MAP4: variants seen among roughly 807,000 people sequenced by gnomAD.
The protein encoded by MAP4 is microtubule-associated protein 4.
In MAP4, 76 loss-of-function variants were observed where a neutral mutation model predicts 170.2. That is an observed-to-expected ratio of 0.45 (90% CI 0.37 to 0.54). The LOEUF (loss-of-function observed/expected upper bound fraction) is 0.54, where lower values mean the gene tolerates loss of function less well. Ranked by LOEUF, MAP4 falls within the 20% of genes least tolerant of loss-of-function variation. The pLI, the probability that MAP4 is intolerant of heterozygous loss-of-function variation, is 0.00. For synonymous variants in MAP4, 909 were observed against 994.5 expected (o/e 0.91, Z 1.62); for missense variants, 2,506 against 2,748.0 (o/e 0.91, Z 1.97).
At chr3:48,038,886 G>A (rs1216294164) in intron 1 of MAP4, among the ~76,000 whole-genome samples, 1 of 152,136 alleles carries the variant, frequency 6.6e-6, no homozygotes, top group Non-Finnish European at 1.5e-5. Flanking sequence ...CAGATCACAC[G>A]AGCCCAGGAG....
chr3:47,924,479 T>C (rs2153730458), intron 4 of MAP4, among the ~76,000 whole-genome samples: 1 of 152,262 alleles, frequency 6.6e-6, no homozygotes, highest in Middle Eastern at 3.4e-3. Context: ...TTCTATGTTT[T>C]TTGCAAAAAA....
chr3:48,018,957 A>G (rs1256222670), upstream of MAP4, among the ~76,000 whole-genome samples: 1 of 152,216 alleles, frequency 6.6e-6, no homozygotes, highest in African/African-American at 2.4e-5. Context: ...TCTTATCATT[A>G]TTAGGCATAG....
rs202124744 is a variant in MAP4, at chr3:47,933,953, G to GA, written c.293-5604dup. 1.8e-4 allele frequency among the ~76,000 whole-genome samples: 27 copies of GA among 152,248 alleles called. 1 individual carries two copies. In the East Asian group the frequency reaches 5.0e-3, roughly 28 times the overall value. ...CAACACAAGTAGGTTCCCCAGAGCT[G>GA]AATGTGGTGAAATTGGGTTAATTAT... On this transcript the variant is annotated intron_variant, in intron 3 of 20. Coordinates refer to ENST00000683076, the MANE Select transcript of MAP4 (RefSeq NM_001385682.1).
intron 5 of MAP4, among the ~76,000 whole-genome samples, chr3:47,920,549 T>G (rs2100042275): frequency 6.7e-6 from 1 of 149,818 alleles, no homozygotes; most frequent in Non-Finnish European, 1.5e-5. Context: ...AGATGGTTTT[T>G]TTTTTTTTTT....
In MAP4 at chr3:47,977,951, A is replaced by T; in HGVS notation, c.224-18T>A. The stretch of plus-strand genomic sequence containing the variant: ...TGGAGTATCTGCAACAATGACAAAT[A>T]ATTACCCATTGTGACAGACAGAAAA... On this transcript the variant is annotated intron_variant, in intron 2 of 20. Coordinates refer to ENST00000683076, the MANE Select transcript of MAP4 (RefSeq NM_001385682.1). 6.4e-7 allele frequency: 1 copy of T among 1,557,746 alleles called. No homozygotes were observed. The highest frequency in any genetic ancestry group is 8.9e-7 in the Non-Finnish European group (1 of 1,129,182).
At chr3:47,871,407 T>C (rs945461003) in intron 13 of MAP4, 121 bp from the exon 14 acceptor site, 6 of 821,820 alleles carry the variant, frequency 7.3e-6, no homozygotes, top group African/African-American at 6.8e-5. Context: ...CCAGGGACTG[T>C]GTTAGTCCCT....
chr3:47,935,344 G>C (rs1647616709), intron 3 of MAP4, among the ~76,000 whole-genome samples: 1 of 152,146 alleles, frequency 6.6e-6, no homozygotes, highest in African/African-American at 2.4e-5. Context: ...ATAGAAGTTA[G>C]GGCCATGGGC....
chr3:48,052,512 G>A (rs557483482), intron 1 of MAP4, among the ~76,000 whole-genome samples: 4 of 152,230 alleles, frequency 2.6e-5, no homozygotes, highest in South Asian at 2.1e-4. Context: ...GTGAGCCACC[G>A]CGTCCTGCCT....
At chr3:47,897,950 G>GGGGGGGGA (rs1491497294) in intron 10 of MAP4, among the ~76,000 whole-genome samples, 1 of 134,540 alleles carries the variant, frequency 7.4e-6, no homozygotes, top group African/African-American at 2.9e-5. Context: ...TCGGGGGGGG[G>GGGGGGGGA]AAAAAAAAAA....
At position 47,877,469 on chromosome 3, in the gene MAP4, A is replaced by G. The variant is rs769053283; in HGVS notation, c.5489T>C (p.Ile1830Thr). The G allele has an allele frequency of 6.2e-7, 1 of 1,614,052 alleles. No individual in the cohort carries two copies. The highest frequency in any genetic ancestry group is 8.5e-7 in the Non-Finnish European group (1 of 1,180,004). ...GAGCTCCTTGTTCGGTGGGGTGGTG[A>G]TGTCATTTCCTGTCCCACTCACCAC... is the stretch of plus-strand genomic sequence containing the variant. The part of the protein sequence containing the change: ...RPVVSGTGND[I>T]TTPPNKELPP... Residue 1830 changes from isoleucine to threonine, a missense_variant, in exon 11 of 21, where the codon ATC becomes ACC. By Grantham distance (89) the Ile-to-Thr change is moderately conservative. Around this residue, in one of 3 missense-constraint regions of MAP4, gnomAD observed 2,008 missense variants for 2,206.0 expected, o/e 0.91. Coordinates refer to ENST00000683076, the MANE Select transcript of MAP4 (RefSeq NM_001385682.1).
chr3:48,021,647 AATCTAT>A (rs2100110627), intron 1 of MAP4, among the ~76,000 whole-genome samples: 1 of 152,166 alleles, frequency 6.6e-6, no homozygotes, highest in Non-Finnish European at 1.5e-5. Context: ...CGCCCGGCCT[AATCTAT>A]AGATTTAACA....
rs1434222848 is a variant in MAP4 at position 47,912,320 on chromosome 3, C to T, written c.2101G>A (p.Glu701Lys). Residue 701 changes from glutamate to lysine, a missense_variant, in exon 9 of 21, where the codon GAG becomes AAG. Transcript: ENST00000683076. ...TRPKPARVPP[E>K]LLGGSPPWKT... is the part of the protein sequence containing the mutation. ...CATGGAGGAGAGCCTCCCAGCAGCTCAGGAGGGACCCTGGCAGGCTTGGGC... is the reference window on the plus strand; with the variant it reads ...CATGGAGGAGAGCCTCCCAGCAGCTTAGGAGGGACCCTGGCAGGCTTGGGC... 2 of 1,536,170 alleles carry T rather than the reference C, an allele frequency of 1.3e-6. No individual in the cohort carries two copies. Among genetic ancestry groups the T allele is most frequent in the South Asian group, 1.2e-5 (1 of 84,066 alleles).
At chr3:48,040,291 C>T (rs542587559) in intron 1 of MAP4, among the ~76,000 whole-genome samples, 18 of 151,644 alleles carry the variant, frequency 1.2e-4, no homozygotes, top group Middle Eastern at 3.4e-3. Context: ...TTTTTTGAGA[C>T]GGCATCTTGC....
At chr3:48,056,148 C>T (rs573713356) in intron 1 of MAP4, among the ~76,000 whole-genome samples, 483 of 145,022 alleles carry the variant, frequency 3.3e-3, no homozygotes, top group African/African-American at 8.3e-3. Context: ...CCAGCCGCCC[C>T]ATCCGGGAGG....
At chr3:47,926,092 G>A (rs1394810277) in intron 4 of MAP4, among the ~76,000 whole-genome samples, 1 of 152,002 alleles carries the variant, frequency 6.6e-6, no homozygotes, top group East Asian at 1.9e-4. Context: ...CTGACCTCAG[G>A]TGATCTGCCC....
At chr3:48,018,696 G>A (rs1256634227), upstream of MAP4, among the ~76,000 whole-genome samples, 2 of 152,054 alleles carry the variant, frequency 1.3e-5, no homozygotes, top group African/African-American at 2.4e-5. Context: ...CCAGCTACTC[G>A]AGAGGCTGAG....
intron 5 of MAP4, among the ~76,000 whole-genome samples, chr3:47,920,191 G>C (rs552377480): frequency 6.6e-6 from 1 of 151,308 alleles, no homozygotes; most frequent in African/African-American, 2.4e-5. Context: ...GGCTGGTCTC[G>C]AACTCCTGAC....
Position 47,910,006 on chromosome 3 carries a change from T to C in MAP4, c.4415A>G (p.Gln1472Arg). ...AKNGQEIAPA[Q>R]ISKSLMVDNY... Reference sequence around the variant, plus strand: ...ATCTACCATTAATGATTTGGAAATCTGGGCTGGGGCTATCTCTTGCCCATT... The same window carrying C: ...ATCTACCATTAATGATTTGGAAATCCGGGCTGGGGCTATCTCTTGCCCATT... Residue 1472 changes from glutamine (Q) to arginine (R), a missense_variant, in exon 9 of 21, where the codon CAG becomes CGG. Transcript: ENST00000683076. 6.2e-7 allele frequency: 1 copy of C among 1,614,054 alleles called. No homozygotes were observed. Among genetic ancestry groups the C allele is most frequent in the Non-Finnish European group, 8.5e-7 (1 of 1,179,896 alleles).
intron 1 of MAP4, among the ~76,000 whole-genome samples, chr3:48,034,318 A>G (rs2100117673): frequency 1.3e-5 from 2 of 152,222 alleles, no homozygotes; most frequent in South Asian, 4.1e-4. Context: ...GTGATAACCC[A>G]GGAAACCAGA....
Sources: allele counts gnomAD v4.1 joint callset (sites outside exome capture counted in the v4.1 genomes callset), GRCh38; gene constraint gnomAD v4.1.1; regional missense constraint gnomAD v4.1.1; transcripts MANE v1.5; gene names NCBI Gene and HGNC (gene_info 2026-07-23, HGNC 2026-07-21).